The following PTPRD variants were observed in gnomAD, a reference collection of about 807,000 sequenced individuals.
PTPRD encodes the protein receptor-type tyrosine-protein phosphatase delta.
In PTPRD, 34 loss-of-function variants were observed where a neutral mutation model predicts 214.5. The observed-to-expected ratio is 0.16, with a 90% CI of 0.12 to 0.21. PTPRD has a LOEUF of 0.21. Among genes scored for constraint, PTPRD ranks in the 10% least tolerant of loss-of-function variants. The pLI is 1.00. For synonymous variants in PTPRD, 1,128 were observed against 845.7 expected, an observed-to-expected ratio of 1.33 and a Z score of -5.79; for missense variants, 2,545 against 2,398.7, an observed-to-expected ratio of 1.06 and a Z score of -1.27.
intron 9 of PTPRD, among the ~76,000 whole-genome samples, chr9:9,208,036 T>A (rs954932102): frequency 2.9e-4 from 40 of 138,892 alleles, no homozygotes; most frequent in Non-Finnish European, 4.5e-4. Flanking sequence ...TTTTTTTTTT[T>A]TGAGACAGAG....
At chr9:9,308,585 G>A (rs1487511045) in intron 9 of PTPRD, among the ~76,000 whole-genome samples, 2 of 152,012 alleles carry the variant, frequency 1.3e-5, no homozygotes, top group Non-Finnish European at 1.5e-5. Context: ...ATTAAAGACT[G>A]GTATTTGCTA....
At chr9:10,405,379 T>C (rs2098337023) in intron 2 of PTPRD, among the ~76,000 whole-genome samples, 1 of 151,678 alleles carries the variant, frequency 6.6e-6, no homozygotes, top group African/African-American at 2.4e-5. Context: ...TACAAATCTG[T>C]TAACAAGAAA....
intron 8 of PTPRD, among the ~76,000 whole-genome samples, chr9:9,397,788 A>C (rs2068477099): frequency 6.6e-6 from 1 of 152,002 alleles, no homozygotes; most frequent in African/African-American, 2.4e-5. Flanking sequence ...GCAAAAATAC[A>C]GAGTCATCTC....
At chr9:9,746,749 G>A (rs1264373533) in intron 6 of PTPRD, among the ~76,000 whole-genome samples, 3 of 151,340 alleles carry the variant, frequency 2.0e-5, no homozygotes. Context: ...CGCTCTGTAG[G>A]AATGTCCATC....
At chr9:9,561,538 A>C (rs943150895) in intron 8 of PTPRD, among the ~76,000 whole-genome samples, 1 of 152,232 alleles carries the variant, frequency 6.6e-6, no homozygotes, top group Non-Finnish European at 1.5e-5. Flanking sequence ...GGGTAAAATT[A>C]GATTTTCACA....
chr9:10,286,547 C>CT (rs35568606), intron 3 of PTPRD, among the ~76,000 whole-genome samples: 9,518 of 152,248 alleles, frequency 0.063, 679 homozygotes, highest in Admixed American at 0.17. Flanking sequence ...AGATTAAACA[C>CT]TATTGAAGCC....
At chr9:10,467,845 A>T (rs559708896) in intron 2 of PTPRD, among the ~76,000 whole-genome samples, 1 of 152,104 alleles carries the variant, frequency 6.6e-6, no homozygotes, top group African/African-American at 2.4e-5. Context: ...AGTAAAAAAC[A>T]TAAAGATACT....
intron 8 of PTPRD, among the ~76,000 whole-genome samples, chr9:9,574,290 A>G (rs2087617938): frequency 6.6e-6 from 1 of 151,958 alleles, no homozygotes; most frequent in Non-Finnish European, 1.5e-5. Context: ...CCATAGTTAC[A>G]TACTTTACTC....
At position 10,492,821 on chromosome 9, in the gene PTPRD, C is replaced by A. The variant is rs76828580; in HGVS notation, c.-600+119577G>T. Among the ~76,000 whole-genome samples the A allele has an allele frequency of 1.9e-3, 291 of 152,192 alleles. 1 individual carries two copies. Among genetic ancestry groups the A allele is most frequent in the African/African-American group, 6.5e-3 (268 of 41,538 alleles). On this transcript the variant is annotated intron_variant, in intron 2 of 45. Coordinates refer to ENST00000381196, the MANE Select transcript of PTPRD (RefSeq NM_002839.4). ...TCCTGAGTGGTATTGCCTAGACTTT[C>A]TTTCAGGGTTTTTATGGCTGTAGGT...
At position 10,213,694 on chromosome 9, in the gene PTPRD, A is replaced by G. The variant is rs370455754; in HGVS notation, c.-545+127269T>C. Among the ~76,000 whole-genome samples, 187 of 152,168 alleles carry G rather than the reference A, an allele frequency of 1.2e-3. 3 individuals carry two copies. The South Asian group carries it at 0.036, about 30-fold the overall frequency. On this transcript the variant is annotated intron_variant, in intron 3 of 45. Coordinates refer to ENST00000381196, the MANE Select transcript of PTPRD (RefSeq NM_002839.4). ...ATATGTTTATTTCCCCTTATTTTAG[A>G]TGTTACATTATTTATTGAAGTAAGA...
chr9:9,743,983 C>G (rs2821466), intron 6 of PTPRD, among the ~76,000 whole-genome samples: 77,176 of 151,908 alleles, frequency 0.51, 23,115 homozygotes, highest in African/African-American at 0.83. Flanking sequence ...TGTATATGTT[C>G]TACATAATGC....
intron 4 of PTPRD, among the ~76,000 whole-genome samples, chr9:9,972,603 C>G (rs1210797462): frequency 6.6e-6 from 1 of 152,128 alleles, no homozygotes; most frequent in Non-Finnish European, 1.5e-5. Flanking sequence ...TGAAAGAACA[C>G]AAATTTGTTA....
intron 3 of PTPRD, among the ~76,000 whole-genome samples, chr9:10,156,352 T>G (rs944091120): frequency 2.6e-5 from 4 of 152,148 alleles, no homozygotes; most frequent in Non-Finnish European, 4.4e-5. Flanking sequence ...TCTCATGAGT[T>G]TCAAAGAACT....
chr9:10,191,549 CT>C (rs1300971189), intron 3 of PTPRD, among the ~76,000 whole-genome samples: 1 of 152,136 alleles, frequency 6.6e-6, no homozygotes, highest in Non-Finnish European at 1.5e-5. Flanking sequence ...ACATTCCAAA[CT>C]TTAGTTTTCT....
intron 2 of PTPRD, among the ~76,000 whole-genome samples, chr9:10,550,462 T>C (rs1157109834): frequency 6.6e-6 from 1 of 152,102 alleles, no homozygotes; most frequent in Non-Finnish European, 1.5e-5. Context: ...TGAAAGACAA[T>C]AAAGTGTGCT....
chr9:9,617,897 C>G (rs531080434), intron 7 of PTPRD, among the ~76,000 whole-genome samples: 1 of 151,010 alleles, frequency 6.6e-6, no homozygotes, highest in Middle Eastern at 3.4e-3. Flanking sequence ...ATGGTGAAAC[C>G]CTGTCTCTAC....
intron 3 of PTPRD, among the ~76,000 whole-genome samples, chr9:10,141,169 C>T (rs1407870856): frequency 6.6e-6 from 1 of 152,102 alleles, no homozygotes; most frequent in East Asian, 1.9e-4. Flanking sequence ...AAACTGGAAG[C>T]ATTCCCTTTG....
chr9:8,721,648 T>A (rs2098500096), intron 12 of PTPRD, among the ~76,000 whole-genome samples: 1 of 152,208 alleles, frequency 6.6e-6, no homozygotes. Flanking sequence ...ACACCTTACA[T>A]TGCTTAACCT....
intron 12 of PTPRD, among the ~76,000 whole-genome samples, chr9:8,718,209 A>G (rs1424339079): frequency 1.3e-5 from 2 of 152,226 alleles, no homozygotes; most frequent in Admixed American, 1.3e-4. Flanking sequence ...CAGGCTAGAA[A>G]AAGCAATCTA....
Sources: allele counts gnomAD v4.1 joint callset (sites outside exome capture counted in the v4.1 genomes callset), GRCh38; gene constraint gnomAD v4.1.1; transcripts MANE v1.5; gene names NCBI Gene and HGNC (gene_info 2026-07-23, HGNC 2026-07-21).